The following MYZAP variants were observed in gnomAD, a reference collection of about 807,000 sequenced individuals.
MYZAP encodes the protein myocardial zonula adherens protein.
Under a neutral mutation model 69.4 loss-of-function variants are expected in MYZAP, and 66 were observed. The observed-to-expected ratio is 0.95, with a 90% CI of 0.78 to 1.17. MYZAP has a LOEUF of 1.17. Among genes scored for constraint, MYZAP ranks in the 50% most tolerant of loss-of-function variants. MYZAP has a pLI of 0.00. For missense variants in MYZAP, 611 were observed against 556.2 expected (o/e 1.10, Z -0.99); for synonymous variants, 256 against 205.9 (o/e 1.24, Z -2.09).
intron 4 of MYZAP, among the ~76,000 whole-genome samples, chr15:57,624,573 A>C (rs1446926076): frequency 1.1e-4 from 17 of 152,206 alleles, no homozygotes; most frequent in African/African-American, 4.1e-4. Flanking sequence ...TCAGACACCA[A>C]TGACTGTCAT....
Position 57,632,576 on chromosome 15 carries a change from T to G in MYZAP, c.804+17T>G. ...GCTCTTTTGGTGTGTGTGTTGTAGC[T>G]GCCGATGTAAACTTACCGGGAATTG... On this transcript the variant is annotated intron_variant, in intron 7 of 12. Transcript: ENST00000267853. The G allele has an allele frequency of 6.2e-7, 1 of 1,613,400 alleles. No individual in the cohort carries two copies. Among genetic ancestry groups the G allele is most frequent in the East Asian group, 2.2e-5 (1 of 44,874 alleles).
At chr15:57,642,380 A>C (rs753231465) in intron 10 of MYZAP, among the ~76,000 whole-genome samples, 9 of 152,226 alleles carry the variant, frequency 5.9e-5, no homozygotes, top group Non-Finnish European at 1.2e-4. Context: ...CAAATTTTGA[A>C]AAATCCGGAG....
At chr15:57,594,844 T>C (rs2140307460) in intron 1 of MYZAP, among the ~76,000 whole-genome samples, 2 of 152,340 alleles carry the variant, frequency 1.3e-5, no homozygotes, top group Non-Finnish European at 2.9e-5. Context: ...GACCAAATAA[T>C]CATTGGAAGT....
intron 12 of MYZAP, among the ~76,000 whole-genome samples, chr15:57,682,118 G>A (rs1227114475): frequency 6.6e-6 from 1 of 152,126 alleles, no homozygotes; most frequent in Non-Finnish European, 1.5e-5. Flanking sequence ...AGGCCGTTTG[G>A]TATAGGTTTC....
At chr15:57,599,188 G>A (rs2034252527) in intron 1 of MYZAP, among the ~76,000 whole-genome samples, 1 of 152,156 alleles carries the variant, frequency 6.6e-6, no homozygotes, top group African/African-American at 2.4e-5. Context: ...AGGTCTCAAA[G>A]CTAGTAGGTG....
chr15:57,593,216 C>CT (rs2033838902), intron 1 of MYZAP, among the ~76,000 whole-genome samples: 9 of 60,082 alleles, frequency 1.5e-4, no homozygotes, highest in Admixed American at 9.8e-4. Context: ...ACACACACAC[C>CT]CCAGAATCCA....
At chr15:57,676,025 G>T (rs1380538142) in intron 12 of MYZAP, among the ~76,000 whole-genome samples, 1 of 151,954 alleles carries the variant, frequency 6.6e-6, no homozygotes, top group Non-Finnish European at 1.5e-5. Flanking sequence ...AAGTAGTGAC[G>T]AGCCGATCAC....
intron 1 of MYZAP, among the ~76,000 whole-genome samples, chr15:57,602,198 G>C (rs1340341296): frequency 2.0e-5 from 3 of 152,126 alleles, no homozygotes; most frequent in Admixed American, 1.3e-4. Flanking sequence ...GACGGGGGTG[G>C]AGAGGATTTG....
intron 11 of MYZAP, among the ~76,000 whole-genome samples, chr15:57,673,507 T>A (rs1201438614): frequency 6.7e-6 from 1 of 150,054 alleles, no homozygotes; most frequent in Admixed American, 6.6e-5. Context: ...TGTGTGTGTG[T>A]GTGTGTGTGT....
intron 10 of MYZAP, among the ~76,000 whole-genome samples, chr15:57,642,104 C>T (rs1215965287): frequency 6.6e-6 from 1 of 152,230 alleles, no homozygotes; most frequent in South Asian, 2.1e-4. Context: ...ACTGGTAAGG[C>T]ATTTAGCTCT....
At chr15:57,592,251 C>T (rs1450919067) in intron 1 of MYZAP, 142 bp downstream of exon 1, 7 of 752,520 alleles carry the variant, frequency 9.3e-6, no homozygotes, top group East Asian at 3.5e-5. Context: ...CGGTCCTGTG[C>T]CGGCTCTGGC....
intron 11 of MYZAP, among the ~76,000 whole-genome samples, chr15:57,669,682 C>T (rs753171252): frequency 2.0e-5 from 3 of 152,116 alleles, no homozygotes; most frequent in Non-Finnish European, 2.9e-5. Flanking sequence ...CTAATTATTT[C>T]GGGATTACTT....
intron 1 of MYZAP, among the ~76,000 whole-genome samples, chr15:57,596,119 C>G (rs2034041256): frequency 6.6e-6 from 1 of 152,186 alleles, no homozygotes; most frequent in South Asian, 2.1e-4. Context: ...CGTAAGGAAA[C>G]TTGATTTCCC....
chr15:57,613,738 A>G (rs762351197), intron 2 of MYZAP, among the ~76,000 whole-genome samples: 4 of 152,200 alleles, frequency 2.6e-5, no homozygotes, highest in Admixed American at 6.5e-5. Flanking sequence ...GGATCATGTA[A>G]TGAGTCATTG....
At chr15:57,647,118 T>C (rs78576420) in intron 10 of MYZAP, 91,657 of 985,392 alleles carry the variant, frequency 0.093, 4,619 homozygotes, top group Middle Eastern at 0.14. Context: ...CACTCCTTCA[T>C]GGCAAAGCAG....
At chr15:57,629,917 C>G in intron 6 of MYZAP, 63 bp downstream of exon 6, 3 of 1,549,380 alleles carry the variant, frequency 1.9e-6, no homozygotes, top group South Asian at 2.5e-5. Context: ...TCTCCCTTTT[C>G]TCTTCCCATC....
chr15:57,593,214 A>ACCCC (rs1555454592), intron 1 of MYZAP, among the ~76,000 whole-genome samples: 1 of 141,346 alleles, frequency 7.1e-6, no homozygotes, highest in Admixed American at 6.9e-5. Flanking sequence ...ACACACACAC[A>ACCCC]CCCCAGAATC....
rs74016354 is a variant in MYZAP, at chr15:57,624,444, T to G, written c.412-1335T>G. Reference sequence around the variant, plus strand: ...TATGTAAATTTATCTACCTAGCCCCTTCCTTGATTATAGGAATGGGGCTGT... The same window carrying G: ...TATGTAAATTTATCTACCTAGCCCCGTCCTTGATTATAGGAATGGGGCTGT... On this transcript the variant is annotated intron_variant, in intron 4 of 12. Transcript: ENST00000267853. 5.4e-3 allele frequency among the ~76,000 whole-genome samples: 817 copies of G among 152,272 alleles called. 4 individuals carry two copies. Among genetic ancestry groups the G allele is most frequent in the African/African-American group, 0.019 (793 of 41,560 alleles).
At chr15:57,632,953 C>A (rs551654864) in intron 7 of MYZAP, among the ~76,000 whole-genome samples, 1 of 152,334 alleles carries the variant, frequency 6.6e-6, no homozygotes, top group East Asian at 1.9e-4. Context: ...AAATGCCACT[C>A]TCTCCATGCC....
Sources: gnomAD v4.1 joint callset for allele counts (sites outside exome capture counted in the v4.1 genomes callset) on GRCh38, gnomAD v4.1.1 for gene constraint, MANE v1.5 for transcripts, NCBI Gene and HGNC (gene_info 2026-07-23, HGNC 2026-07-21) for gene names.